Variants in SLCO3A1 observed in about 807,000 individuals in gnomAD.
SLCO3A1 encodes the protein PGE1 transporter.
A neutral mutation model predicts 63.1 loss-of-function variants in SLCO3A1; 27 were observed. The observed-to-expected ratio is 0.43, with a 90% confidence interval of 0.32 to 0.59. SLCO3A1 has a LOEUF of 0.59. SLCO3A1 is among the 20% of genes least tolerant of loss of function. The probability of loss-of-function intolerance (pLI) is 0.09; values close to 1 mark genes in which losing one functional copy is unlikely to be tolerated. For synonymous variants in SLCO3A1, 473 were observed against 409.9 expected (o/e 1.15, Z -1.86); for missense variants, 773 against 945.8 (o/e 0.82, Z 2.40).
intron 2 of SLCO3A1, among the ~76,000 whole-genome samples, chr15:91,973,548 T>C (rs760046477): frequency 6.6e-6 from 1 of 152,176 alleles, no homozygotes; most frequent in East Asian, 1.9e-4. Context: ...TTGAAGGGAA[T>C]GAAGTTGAGT....
intron 2 of SLCO3A1, among the ~76,000 whole-genome samples, chr15:92,042,394 G>A (rs548014960): frequency 3.3e-5 from 5 of 152,042 alleles, no homozygotes; most frequent in East Asian, 1.9e-4. Context: ...TTATTATGCC[G>A]TCTAGAAAAT....
chr15:92,067,185 C>G (rs1055370664), intron 2 of SLCO3A1, among the ~76,000 whole-genome samples: 1 of 149,324 alleles, frequency 6.7e-6, no homozygotes, highest in Non-Finnish European at 1.5e-5. Flanking sequence ...TCCCTCAGGC[C>G]AAGGGAATAG....
intron 2 of SLCO3A1, among the ~76,000 whole-genome samples, chr15:91,930,875 C>T (rs993358333): frequency 3.9e-5 from 6 of 152,236 alleles, no homozygotes; most frequent in African/African-American, 1.4e-4. Context: ...AGTAAAGGGA[C>T]ACCTTGGGGA....
intron 2 of SLCO3A1, among the ~76,000 whole-genome samples, chr15:91,920,366 A>T (rs1329848835): frequency 6.6e-6 from 1 of 152,196 alleles, no homozygotes; most frequent in Non-Finnish European, 1.5e-5. Flanking sequence ...TTGCAGCAGG[A>T]GCCAGGAAGG....
In SLCO3A1 at chr15:92,046,377, A is replaced by T. The variant is rs76579996; in HGVS notation, c.647-48504A>T. 2.0e-5 allele frequency among the ~76,000 whole-genome samples: 3 copies of T among 151,852 alleles called. No homozygotes were observed. In the South Asian group the frequency reaches 6.3e-4, roughly 32 times the overall value. ...TAAAAATACCAAAAGAAAAAAAAAA[A>T]TACCTGGGCGATGTGGCTGGCAGGC... is the stretch of plus-strand genomic sequence containing the variant. On this transcript the variant is annotated intron_variant, in intron 2 of 9. Coordinates refer to ENST00000318445, the MANE Select transcript of SLCO3A1 (RefSeq NM_013272.4).
chr15:91,973,426 G>A (rs1216855742), intron 2 of SLCO3A1, among the ~76,000 whole-genome samples: 1 of 152,244 alleles, frequency 6.6e-6, no homozygotes, highest in African/African-American at 2.4e-5. Context: ...CCTGTGACAA[G>A]TCAAGATACA....
intron 2 of SLCO3A1, among the ~76,000 whole-genome samples, chr15:92,058,920 C>T (rs1421763392): frequency 6.6e-6 from 1 of 152,218 alleles, no homozygotes; most frequent in Non-Finnish European, 1.5e-5. Flanking sequence ...GTCTTTCTCT[C>T]CTTTCTCTTA....
intron 1 of SLCO3A1, among the ~76,000 whole-genome samples, chr15:91,909,016 G>A (rs751843292): frequency 2.6e-5 from 4 of 152,206 alleles, no homozygotes; most frequent in South Asian, 2.1e-4. Flanking sequence ...AGCCGAGGTC[G>A]CGCCATTGCA....
intron 2 of SLCO3A1, among the ~76,000 whole-genome samples, chr15:92,000,340 A>G (rs1315053992): frequency 6.6e-6 from 1 of 152,086 alleles, no homozygotes; most frequent in Non-Finnish European, 1.5e-5. Context: ...AAGTGGGGGC[A>G]AGTTAAATTG....
At chr15:91,878,423 A>G (rs1897459555) in intron 1 of SLCO3A1, among the ~76,000 whole-genome samples, 1 of 152,108 alleles carries the variant, frequency 6.6e-6, no homozygotes, top group Non-Finnish European at 1.5e-5. Context: ...AGATGTGTTC[A>G]CTGTCCTTGG....
intron 4 of SLCO3A1, 56 bp from the exon 5 acceptor site, chr15:92,120,409 A>T: frequency 5.1e-6 from 8 of 1,563,218 alleles, no homozygotes; most frequent in Non-Finnish European, 7.0e-6. Context: ...GAGCTATAAG[A>T]TGGGAGCACA....
At chr15:91,892,266 C>T (rs1897889714) in intron 1 of SLCO3A1, among the ~76,000 whole-genome samples, 1 of 152,152 alleles carries the variant, frequency 6.6e-6, no homozygotes, top group East Asian at 1.9e-4. Flanking sequence ...CACTCTGTCC[C>T]CACTCGTATC....
intron 3 of SLCO3A1, among the ~76,000 whole-genome samples, chr15:92,101,926 T>C (rs2047609850): frequency 6.6e-6 from 1 of 152,128 alleles, no homozygotes; most frequent in African/African-American, 2.4e-5. Context: ...GGAAGCAAGT[T>C]GACACGTTCA....
intron 2 of SLCO3A1, among the ~76,000 whole-genome samples, chr15:92,070,406 G>C (rs1182812489): frequency 6.6e-6 from 1 of 152,216 alleles, no homozygotes; most frequent in East Asian, 1.9e-4. Flanking sequence ...ACTTTGGGAG[G>C]CCAAGGTGGG....
intron 1 of SLCO3A1, among the ~76,000 whole-genome samples, chr15:91,870,149 A>G (rs1567164224): frequency 6.6e-6 from 1 of 152,218 alleles, no homozygotes; most frequent in Non-Finnish European, 1.5e-5. Context: ...GTCTATATCA[A>G]GGTATGAATT....
At chr15:91,974,153 A>G (rs545858935) in intron 2 of SLCO3A1, among the ~76,000 whole-genome samples, 24 of 152,202 alleles carry the variant, frequency 1.6e-4, no homozygotes, top group African/African-American at 5.8e-4. Flanking sequence ...TCAAGGCTCA[A>G]GGTCAGCCTG....
At chr15:92,115,541 G>C (rs1216514206) in intron 4 of SLCO3A1, among the ~76,000 whole-genome samples, 2 of 151,920 alleles carry the variant, frequency 1.3e-5, no homozygotes, top group African/African-American at 4.8e-5. Flanking sequence ...GAGACACTGG[G>C]CCACATGCTT....
chr15:92,106,411 C>G (rs1471918536), intron 4 of SLCO3A1, among the ~76,000 whole-genome samples: 1 of 152,116 alleles, frequency 6.6e-6, no homozygotes, highest in African/African-American at 2.4e-5. Flanking sequence ...TGCGACTCCC[C>G]TAGTAGCAGG....
At chr15:91,864,249 T>G (rs926278782) in intron 1 of SLCO3A1, among the ~76,000 whole-genome samples, 1 of 152,224 alleles carries the variant, frequency 6.6e-6, no homozygotes, top group Non-Finnish European at 1.5e-5. Flanking sequence ...TCTGCATTCA[T>G]TGCTTTCATG....
Sources: allele counts gnomAD v4.1 joint callset (sites outside exome capture counted in the v4.1 genomes callset), GRCh38; gene constraint gnomAD v4.1.1; transcripts MANE v1.5; gene names NCBI Gene and HGNC (gene_info 2026-07-23, HGNC 2026-07-21).